SENP8: variants seen among roughly 807,000 people sequenced by gnomAD.
SENP8 encodes the protein SUMO peptidase family member, NEDD8 specific, also known as sentrin-specific protease 8.
In SENP8, 10 loss-of-function variants were observed where a neutral mutation model predicts 14.4. The ratio of observed to expected loss-of-function variants is 0.69; its 90% confidence interval spans 0.43 to 1.18. The LOEUF (loss-of-function observed/expected upper bound fraction) is 1.18. SENP8 is among the 50% of genes most tolerant of loss of function. The probability of loss-of-function intolerance (pLI) is 0.00; values close to 1 mark genes in which losing one functional copy is unlikely to be tolerated. For missense variants in SENP8, 202 were observed against 249.4 expected (o/e 0.81, Z 1.28); for synonymous variants, 94 against 95.5 (o/e 0.98, Z 0.09).
Position 72,139,764 on chromosome 15 carries a change from C to G in SENP8, c.141C>G (p.Cys47Trp). 1 of 1,614,146 alleles carries G rather than the reference C, an allele frequency of 6.2e-7. No homozygotes were observed. The highest frequency in any genetic ancestry group is 8.5e-7 in the Non-Finnish European group (1 of 1,180,012). The change falls in exon 2 of 2, where the codon TGC becomes TGG. Residue 47 changes from cysteine (C) to tryptophan (W), a missense_variant. Cys to Trp is a radical substitution (Grantham distance 215). Transcript: ENST00000340912. Reference protein sequence around the residue: ...EYFANSQFHDCSDHVSFISPE... With the variant: ...EYFANSQFHDWSDHVSFISPE... ...TTGCCAACAGTCAGTTTCATGACTG[C>G]TCTGATCACGTCAGTTTCATCAGCC...
chr15:72,115,138 G>A (rs1156555975), upstream of SENP8, among the ~76,000 whole-genome samples: 2 of 152,124 alleles, frequency 1.3e-5, no homozygotes, highest in African/African-American at 4.8e-5. Context: ...GCTTAAACTA[G>A]AATAAGTTTT....
intron 1 of SENP8, among the ~76,000 whole-genome samples, chr15:72,135,588 T>C (rs930695671): frequency 1.3e-5 from 2 of 152,122 alleles, no homozygotes; most frequent in African/African-American, 4.8e-5. Context: ...AAGTTTAGAG[T>C]TATTTTTGGC....
At chr15:72,117,561 C>T (rs2081040678), upstream of SENP8, 1 of 372,224 alleles carries the variant, frequency 2.7e-6, no homozygotes, top group Non-Finnish European at 4.8e-6. Flanking sequence ...CGGCGCAGAC[C>T]CGCTCGCGGG....
Position 72,140,537 on chromosome 15 carries a change from T to TAAGA in SENP8, c.*276_*279dup, listed in dbSNP as rs2081372078. On this transcript the variant is annotated 3_prime_UTR_variant, in exon 2 of 2. Coordinates refer to ENST00000340912, the MANE Select transcript of SENP8 (RefSeq NM_145204.4). The stretch of plus-strand genomic sequence containing the variant: ...ACATTTATTACACACAGGGTTTACG[T>TAAGA]AAGACTTTTCTTATTGGTATATAAT... 1 of 392,868 alleles carries TAAGA rather than the reference T, an allele frequency of 2.5e-6. No homozygotes were observed. The highest frequency in any genetic ancestry group is 4.8e-6 in the Non-Finnish European group (1 of 209,814). The allele number at this position is 392,868 out of a possible 1,614,324, so 24.3% of individuals were successfully genotyped here. A position where few individuals can be genotyped will look rare whatever the true frequency, so the allele number is the denominator to read the frequency against.
In SENP8 at chr15:72,125,401, G is replaced by A. The variant is rs548884269; in HGVS notation, c.-48+6937G>A. The stretch of plus-strand genomic sequence containing the variant: ...ACTCTGATGTCCAGTGTCTTTTCAT[G>A]TGTTTATTGACTAGTCATGTAAGTG... On this transcript the variant is annotated intron_variant, in intron 1 of 1. Coordinates refer to ENST00000340912, the MANE Select transcript of SENP8 (RefSeq NM_145204.4). Among the ~76,000 whole-genome samples the A allele has an allele frequency of 1.3e-3, 195 of 151,966 alleles. 2 individuals are homozygous for A. The highest frequency in any genetic ancestry group is 4.3e-3 in the African/African-American group (179 of 41,446).
At chr15:72,118,309 C>T, upstream of SENP8, 1 of 236,620 alleles carries the variant, frequency 4.2e-6, no homozygotes, top group Non-Finnish European at 8.1e-6. Context: ...CTTCACCTTA[C>T]GGCAGAGCAG....
At chr15:72,117,689 C>A (rs1434343323), upstream of SENP8, 1 of 396,708 alleles carries the variant, frequency 2.5e-6, no homozygotes, top group Non-Finnish European at 4.4e-6. Context: ...CCTCGGGCTC[C>A]GCCGCGGTGG....
Position 72,140,003 on chromosome 15 carries a change from T to C in SENP8, c.380T>C (p.Val127Ala). The change falls in exon 2 of 2, where the codon GTT becomes GCT. Residue 127 changes from valine (V) to alanine (A), a missense_variant. Physicochemically the swap from Val to Ala is moderately conservative, Grantham distance 64. Transcript: ENST00000340912. ...GATTCCCATAGCAGGAGCAACTCAG[T>C]TCACGCAAAGCAGGTAGCAGAGAAA... is the stretch of plus-strand genomic sequence containing the variant. ...HYDSHSRSNS[V>A]HAKQVAEKLE... 3 of 1,614,206 alleles carry C rather than the reference T, an allele frequency of 1.9e-6. No individual in the cohort carries two copies. The highest frequency in any genetic ancestry group is 2.5e-6 in the Non-Finnish European group (3 of 1,180,040).
rs553689477 is a variant in SENP8 at position 72,142,140 on chromosome 15, A to G, written c.*1878A>G. 1 of 152,286 alleles carries G rather than the reference A, an allele frequency of 6.6e-6. No homozygotes were observed. Among genetic ancestry groups the G allele is most frequent in the South Asian group, 2.1e-4 (1 of 4,828 alleles). The allele number at this position is 152,286 out of a possible 1,614,324, so 9.4% of individuals were successfully genotyped here. A position where few individuals can be genotyped will look rare whatever the true frequency, so the allele number is the denominator to read the frequency against. On this transcript the variant is annotated 3_prime_UTR_variant, in exon 2 of 2. Coordinates refer to ENST00000340912, the MANE Select transcript of SENP8 (RefSeq NM_145204.4). Reference sequence around the variant, plus strand: ...AACTACACTAGTCTTTTAAATATATATAGAAAAATATATATACACACGTAT... The same window carrying G: ...AACTACACTAGTCTTTTAAATATATGTAGAAAAATATATATACACACGTAT...
chr15:72,121,866 T>C (rs1388546050), intron 1 of SENP8, among the ~76,000 whole-genome samples: 1 of 152,156 alleles, frequency 6.6e-6, no homozygotes, highest in Non-Finnish European at 1.5e-5. Context: ...TCAGTTAACT[T>C]TATGTGGTCA....
chr15:72,140,384 T>C lies in SENP8; in HGVS notation c.*122T>C. On this transcript the variant is annotated 3_prime_UTR_variant, in exon 2 of 2. Transcript: ENST00000340912. ...GTAGAGGAAAGCTTAATACTCTTTTTCCTGAAAGAATATCATCCTCTGCAT... is the reference window on the plus strand; with the variant it reads ...GTAGAGGAAAGCTTAATACTCTTTTCCCTGAAAGAATATCATCCTCTGCAT... The C allele has an allele frequency of 1.4e-6, 1 of 696,204 alleles. No individual in the cohort carries two copies. Among genetic ancestry groups the C allele is most frequent in the Admixed American group, 2.8e-5 (1 of 35,588 alleles). 43.1% of individuals were successfully genotyped at this position (696,204 alleles called of 1,614,324 possible). A position where few individuals can be genotyped will look rare whatever the true frequency, so the allele number is the denominator to read the frequency against.
upstream of SENP8, chr15:72,118,007 C>T (rs913902522): frequency 8.3e-5 from 33 of 398,272 alleles, no homozygotes; most frequent in Non-Finnish European, 1.3e-4. Flanking sequence ...CCGCCTCTCG[C>T]AGTCCGGGCT....
upstream of SENP8, among the ~76,000 whole-genome samples, chr15:72,115,447 A>G (rs1412704943): frequency 6.6e-6 from 1 of 152,134 alleles, no homozygotes; most frequent in African/African-American, 2.4e-5. Flanking sequence ...GGGAATCCCC[A>G]CCTCAGTGAA....
At chr15:72,121,225 TAGA>T (rs2081164590) in intron 1 of SENP8, among the ~76,000 whole-genome samples, 1 of 152,006 alleles carries the variant, frequency 6.6e-6, no homozygotes, top group Non-Finnish European at 1.5e-5. Flanking sequence ...TCAGGAAAGG[TAGA>T]TTGGGGCTAT....
intron 1 of SENP8, chr15:72,134,584 T>A (rs1215922102): frequency 6.2e-6 from 1 of 160,734 alleles, no homozygotes; most frequent in Non-Finnish European, 1.4e-5. Flanking sequence ...GTCTTTAATA[T>A]AAAAATAAAA....
At chr15:72,117,951 C>T, upstream of SENP8, 1 of 401,350 alleles carries the variant, frequency 2.5e-6, no homozygotes, top group Non-Finnish European at 4.4e-6. Context: ...GCCGCCTCAA[C>T]CGCTGCCAGC....
At position 72,140,389 on chromosome 15, in the gene SENP8, A is replaced by G; in HGVS notation, c.*127A>G. On this transcript the variant is annotated 3_prime_UTR_variant, in exon 2 of 2. Transcript: ENST00000340912. ...GGAAAGCTTAATACTCTTTTTCCTG[A>G]AAGAATATCATCCTCTGCATTATCC... is the stretch of plus-strand genomic sequence containing the variant. 1.5e-6 allele frequency: 1 copy of G among 675,766 alleles called. No homozygotes were observed. The highest frequency in any genetic ancestry group is 2.6e-6 in the Non-Finnish European group (1 of 388,742). The allele number at this position is 675,766 out of a possible 1,614,324, so 41.9% of individuals were successfully genotyped here.
In SENP8 at chr15:72,140,198, C is replaced by T; in HGVS notation, c.575C>T (p.Pro192Leu). ...GAATCACTGCTGCAGCTACTCACCC[C>T]TGCATACATCACAAAGAAGAGGGGA... ...QTESLLQLLT[P>L]AYITKKRGEW... Residue 192 changes from proline (P) to leucine (L), a missense_variant, in exon 2 of 2, where the codon CCT becomes CTT. Physicochemically the swap from Pro to Leu is moderately conservative, Grantham distance 98 (BLOSUM62 -3). Transcript: ENST00000340912. 1 of 1,614,178 alleles carries T rather than the reference C, an allele frequency of 6.2e-7. No individual in the cohort carries two copies. The highest frequency in any genetic ancestry group is 8.5e-7 in the Non-Finnish European group (1 of 1,180,004).
intron 1 of SENP8, among the ~76,000 whole-genome samples, chr15:72,125,888 A>T (rs2081214086): frequency 6.6e-6 from 1 of 151,504 alleles, no homozygotes; most frequent in Non-Finnish European, 1.5e-5. Flanking sequence ...CAGTGGGGTG[A>T]TCTCGGCTCA....
Sources: allele counts gnomAD v4.1 joint callset (sites outside exome capture counted in the v4.1 genomes callset), GRCh38; gene constraint gnomAD v4.1.1; transcripts MANE v1.5; gene names NCBI Gene and HGNC (gene_info 2026-07-23, HGNC 2026-07-21).